The following SUN2 variants were observed in gnomAD, a reference collection of about 807,000 sequenced individuals.
SUN2 encodes the protein Sad1 and UNC84 domain containing 2.
Under a neutral mutation model 100.0 loss-of-function variants are expected in SUN2, and 60 were observed. That is an observed-to-expected ratio of 0.60 (90% CI 0.49 to 0.74). The LOEUF is 0.74. Ranked by LOEUF, SUN2 falls within the 30% of genes least tolerant of loss-of-function variation. The pLI, the probability that SUN2 is intolerant of heterozygous loss-of-function variation, is 0.00. For missense variants in SUN2, 834 were observed against 954.6 expected (o/e 0.87, Z 1.66); for synonymous variants, 367 against 403.3 (o/e 0.91, Z 1.08).
At position 38,755,916 on chromosome 22, in the gene SUN2, G is replaced by C. The variant is rs574607841; in HGVS notation, c.-191C>G. The C allele has an allele frequency of 1.5e-4, 152 of 982,836 alleles. 1 individual carries two copies. In the South Asian group the frequency reaches 6.4e-3, roughly 41 times the overall value. The allele number at this position is 982,836 out of a possible 1,614,324, so 60.9% of individuals were successfully genotyped here. On this transcript the variant is annotated 5_prime_UTR_variant, in exon 1 of 18. Coordinates refer to ENST00000689035, the MANE Select transcript of SUN2 (RefSeq NM_015374.3). The surrounding 1 kb of genome is among the most constrained non-coding windows in gnomAD (Gnocchi z 5.7). ...GGGGCGCGCGGGCACGCGAAGAGCG[G>C]CGACGCGGGACAAGGCGGGCGGGCG... is the stretch of plus-strand genomic sequence containing the variant.
At position 38,739,311 on chromosome 22, in the gene SUN2, C is replaced by T. The variant is rs374637439; in HGVS notation, c.1663+31G>A. 232 of 1,610,476 alleles carry T rather than the reference C, an allele frequency of 1.4e-4. 1 individual carries two copies. Among genetic ancestry groups the T allele is most frequent in the Non-Finnish European group, 1.9e-4 (221 of 1,177,926 alleles). On this transcript the variant is annotated intron_variant, in intron 14 of 17. Coordinates refer to ENST00000689035, the MANE Select transcript of SUN2 (RefSeq NM_015374.3). The surrounding 1 kb of genome is among the most constrained non-coding windows in gnomAD (Gnocchi z 6.7). ...GGACCGGCCATTGCGGGGTCCAGGACAAGGCAGAGCGAGGAAAGCAGAGCA... is the reference window on the plus strand; with the variant it reads ...GGACCGGCCATTGCGGGGTCCAGGATAAGGCAGAGCGAGGAAAGCAGAGCA...
At chr22:38,747,598 T>C (rs1411366683) in intron 7 of SUN2, among the ~76,000 whole-genome samples, 1 of 152,180 alleles carries the variant, frequency 6.6e-6, no homozygotes, top group African/African-American at 2.4e-5. Context: ...AGGCAATTCA[T>C]ATGAAACTAG....
chr22:38,749,615 C>T (rs2092928048), intron 6 of SUN2, 151 bp downstream of exon 6: 1 of 695,714 alleles, frequency 1.4e-6, no homozygotes, highest in African/African-American at 1.8e-5. Context: ...CAGGGGTGGG[C>T]TTTGGGGAAG....
At chr22:38,745,052 G>A (rs537125425) in intron 8 of SUN2, 11 of 471,122 alleles carry the variant, frequency 2.3e-5, no homozygotes, top group East Asian at 6.9e-5. Context: ...TGAGATTTGC[G>A]GTAGCCAACA....
intron 8 of SUN2, chr22:38,743,416 G>A (rs889413325): frequency 2.0e-5 from 3 of 152,178 alleles, no homozygotes; most frequent in African/African-American, 7.2e-5. Flanking sequence ...GCGAAACCCT[G>A]TGTCTACTAA....
intron 4 of SUN2, 129 bp downstream of exon 4, chr22:38,750,769 C>T (rs1027949494): frequency 1.5e-5 from 22 of 1,429,386 alleles, no homozygotes; most frequent in Middle Eastern, 2.4e-4. Context: ...CACCCAGGGC[C>T]GGGCATGGGA....
In SUN2 at chr22:38,738,275, G is replaced by C; in HGVS notation, c.1948-10C>G. The stretch of plus-strand genomic sequence containing the variant: ...GGTCTTCGTCAAACCCCTGCAAAGA[G>C]AGCGGAGGGAAGTGGGGAGGGGCTG... On this transcript the variant is annotated splice_polypyrimidine_tract_variant and intron_variant, in intron 16 of 17. Transcript: ENST00000689035. This position sits in a 1 kb window ranked among gnomAD's most constrained non-coding sequence, Gnocchi z 6.6. 6.2e-7 allele frequency: 1 copy of C among 1,611,464 alleles called. No individual in the cohort carries two copies. Among genetic ancestry groups the C allele is most frequent in the East Asian group, 2.2e-5 (1 of 44,852 alleles).
At position 38,750,891 on chromosome 22, in the gene SUN2, C is replaced by G; in HGVS notation, c.424+7G>C. The G allele has an allele frequency of 6.2e-7, 1 of 1,613,956 alleles. No homozygotes were observed. The highest frequency in any genetic ancestry group is 8.5e-7 in the Non-Finnish European group (1 of 1,179,988). ...GATCTGCTCAGGAGGGAGGAAGCATCGCCTACCCACGTAGTCGTCCTCAGA... is the reference window on the plus strand; with the variant it reads ...GATCTGCTCAGGAGGGAGGAAGCATGGCCTACCCACGTAGTCGTCCTCAGA... On this transcript the variant is annotated splice_region_variant and intron_variant, in intron 4 of 17. Transcript: ENST00000689035.
Position 38,752,636 on chromosome 22 carries a change from T to C in SUN2, c.-8A>G, listed in dbSNP as rs756988712. ...CTGGCTTCTTCGGGACATGATGAGGTGGGATGTGGACTCTTCCCCTGAAGA... is the reference window on the plus strand; with the variant it reads ...CTGGCTTCTTCGGGACATGATGAGGCGGGATGTGGACTCTTCCCCTGAAGA... On this transcript the variant is annotated 5_prime_UTR_variant, in exon 2 of 18. Coordinates refer to ENST00000689035, the MANE Select transcript of SUN2 (RefSeq NM_015374.3). 6.2e-7 allele frequency: 1 copy of C among 1,613,024 alleles called. No homozygotes were observed. The highest frequency in any genetic ancestry group is 8.5e-7 in the Non-Finnish European group (1 of 1,179,760).
intron 8 of SUN2, among the ~76,000 whole-genome samples, chr22:38,744,919 G>T (rs759991448): frequency 6.6e-5 from 10 of 152,206 alleles, no homozygotes; most frequent in Non-Finnish European, 1.5e-4. Context: ...GACTCTGGCA[G>T]ATTATAAAAA....
chr22:38,739,407 T>C lies in SUN2; in HGVS notation c.1598A>G (p.Lys533Arg), dbSNP rs1384730809. 3.7e-6 allele frequency: 6 copies of C among 1,613,118 alleles called. No homozygotes were observed. The East Asian group carries it at 1.1e-4, about 30-fold the overall frequency. The change falls in exon 14 of 18, where the codon AAG becomes AGG. Residue 533 changes from lysine to arginine, a missense_variant. Lys to Arg is a conservative substitution (Grantham distance 26, BLOSUM62 2). Around this residue, in one of 3 missense-constraint regions of SUN2, gnomAD observed 195 missense variants for 280.2 expected, o/e 0.70. Coordinates refer to ENST00000689035, the MANE Select transcript of SUN2 (RefSeq NM_015374.3). The surrounding 1 kb of genome is among the most constrained non-coding windows in gnomAD (Gnocchi z 6.7). ...VTEEQVHHIV[K>R]QALQRYSEDR... ...CTCACTGTAGCGCTGCAGGGCCTGCTTCACGATGTGGTGCACCTGCTGCAA... is the reference window on the plus strand; with the variant it reads ...CTCACTGTAGCGCTGCAGGGCCTGCCTCACGATGTGGTGCACCTGCTGCAA...
Position 38,740,938 on chromosome 22 carries a change from C to T in SUN2, c.1190+69G>A. Reference sequence around the variant, plus strand: ...ACTCTCTGCTCTGCGGCTCTGCTCCCCAGTCCTGCCTGGAGAGTGGGTGGG... The same window carrying T: ...ACTCTCTGCTCTGCGGCTCTGCTCCTCAGTCCTGCCTGGAGAGTGGGTGGG... On this transcript the variant is annotated intron_variant, in intron 11 of 17. Transcript: ENST00000689035. The surrounding 1 kb of genome is among the most constrained non-coding windows in gnomAD (Gnocchi z 4.8). 1 of 1,489,668 alleles carries T rather than the reference C, an allele frequency of 6.7e-7. No homozygotes were observed. Among genetic ancestry groups the T allele is most frequent in the African/African-American group, 1.4e-5 (1 of 72,020 alleles). 92.3% of individuals were successfully genotyped at this position (1,489,668 alleles called of 1,614,324 possible).
chr22:38,739,675 G>A lies in SUN2; in HGVS notation c.1578+47C>T. ...TGTGGGACTGTCCAGGGCTCCCAGG[G>A]AGGAGAGCTGTGGGTGGGTGTGTGG... On this transcript the variant is annotated intron_variant, in intron 13 of 17. Transcript: ENST00000689035. The surrounding 1 kb of genome is among the most constrained non-coding windows in gnomAD (Gnocchi z 6.7). 1.3e-6 allele frequency: 2 copies of A among 1,587,122 alleles called. No homozygotes were observed. Among genetic ancestry groups the A allele is most frequent in the Non-Finnish European group, 1.7e-6 (2 of 1,160,380 alleles).
In SUN2 at chr22:38,738,641, C is replaced by T; in HGVS notation, c.1893G>A (p.Lys631=). ...PTAVTLEHVP[K]ALSPNSTISS... ...AGATAGTGCTGTTGGGTGACAAGGCCTTGGGCACATGCTCTAAGGTAACGG... is the reference window on the plus strand; with the variant it reads ...AGATAGTGCTGTTGGGTGACAAGGCTTTGGGCACATGCTCTAAGGTAACGG... Residue 631 remains lysine, a synonymous_variant, in exon 16 of 18, where the codon AAG becomes AAA. Transcript: ENST00000689035. The surrounding 1 kb of genome is among the most constrained non-coding windows in gnomAD (Gnocchi z 6.6). The T allele has an allele frequency of 6.2e-7, 1 of 1,614,048 alleles. No individual in the cohort carries two copies. Among genetic ancestry groups the T allele is most frequent in the Non-Finnish European group, 8.5e-7 (1 of 1,180,024 alleles).
rs148232799 is a variant in SUN2, at chr22:38,749,859, C to A, written c.521G>T (p.Gly174Val). The change falls in exon 6 of 18, where the codon GGC (glycine) becomes GTC (valine). Residue 174 changes from glycine (G) to valine (V), a missense_variant and splice_region_variant. Gly to Val is a moderately radical substitution (Grantham distance 109). Transcript: ENST00000689035. ...SLLWMVATSPGRLFRLLYWWA... is the reference protein window; with the variant it reads ...SLLWMVATSPVRLFRLLYWWA... ...CCAGTAGAGAAGTCTGAAGAGCCGG[C>A]CTGGAAGAATGACCATCAAGCCGAA... The A allele has an allele frequency of 2.0e-4, 321 of 1,612,328 alleles. No homozygotes were observed. Among genetic ancestry groups the A allele is most frequent in the Non-Finnish European group, 2.7e-4 (314 of 1,179,422 alleles).
At chr22:38,752,471 G>A (rs1247479371) in intron 2 of SUN2, 36 bp downstream of exon 2, 2 of 1,577,036 alleles carry the variant, frequency 1.3e-6, no homozygotes, top group African/African-American at 1.3e-5. Flanking sequence ...AGCTTGTGGG[G>A]CTGTCAGGGG....
chr22:38,752,670 GGA>G lies in SUN2; in HGVS notation c.-37-7_-37-6del, dbSNP rs1165775162. ...GACTCTTCCCCTGAAGAGAATCTAAGGAGAGAGAGGAGGAGGACTGGATGTGA... is the reference window on the plus strand; with the variant it reads ...GACTCTTCCCCTGAAGAGAATCTAAGGAGAGAGGAGGAGGACTGGATGTGA... On this transcript the variant is annotated splice_region_variant and splice_polypyrimidine_tract_variant and intron_variant, in intron 1 of 17. Transcript: ENST00000689035. 8.7e-6 allele frequency: 14 copies of G among 1,606,154 alleles called. No homozygotes were observed. Among genetic ancestry groups the G allele is most frequent in the Non-Finnish European group, 1.1e-5 (13 of 1,177,416 alleles).
rs1299376555 is a variant in SUN2, at chr22:38,738,967, C to CGGGTGCTGATGACGCT, written c.1669_1684dup (p.Arg562GlnfsTer9). 1 of 1,612,784 alleles carries CGGGTGCTGATGACGCT rather than the reference C, an allele frequency of 6.2e-7. No homozygotes were observed. Among genetic ancestry groups the CGGGTGCTGATGACGCT allele is most frequent in the Non-Finnish European group, 8.5e-7 (1 of 1,179,570 alleles). ...CTTGGTCTCGTAGGTCTCAGAACAT[C>CGGGTGCTGATGACGCT]GGGTGCTGATGACGCTGGCCCCTGA... On this transcript the variant is annotated frameshift_variant, in exon 15 of 18. Coordinates refer to ENST00000689035, the MANE Select transcript of SUN2 (RefSeq NM_015374.3). LOFTEE classifies it high-confidence loss of function. The surrounding 1 kb of genome is among the most constrained non-coding windows in gnomAD (Gnocchi z 6.6).
chr22:38,747,570 T>C (rs188032419), intron 7 of SUN2, among the ~76,000 whole-genome samples: 7 of 152,340 alleles, frequency 4.6e-5, no homozygotes, highest in Non-Finnish European at 8.8e-5. Flanking sequence ...GTCATTAAAA[T>C]TGAGCTGAGA....
Sources: allele counts gnomAD v4.1 joint callset (sites outside exome capture counted in the v4.1 genomes callset), GRCh38; gene constraint gnomAD v4.1.1; regional missense constraint gnomAD v4.1.1; non-coding constraint Gnocchi (gnomAD v3.1); transcripts MANE v1.5; gene names NCBI Gene and HGNC (gene_info 2026-07-23, HGNC 2026-07-21).